Variants in COL4A1 observed in about 807,000 individuals in gnomAD.
The protein encoded by COL4A1 is collagen type IV alpha 1 chain.
COL4A1 carries 40 observed loss-of-function variants against 216.6 expected under a neutral mutation model. The ratio of observed to expected loss-of-function variants is 0.18; its 90% confidence interval spans 0.14 to 0.24. The LOEUF is 0.24. Among genes scored for constraint, COL4A1 ranks in the 10% least tolerant of loss-of-function variants. The probability of loss-of-function intolerance (pLI) is 1.00; values close to 1 mark genes in which losing one functional copy is unlikely to be tolerated. For missense variants in COL4A1, 1,628 were observed against 2,196.8 expected (o/e 0.74, Z 5.18); for synonymous variants, 839 against 810.7 (o/e 1.03, Z -0.59).
intron 2 of COL4A1, among the ~76,000 whole-genome samples, chr13:110,241,935 G>A (rs1223731388): frequency 6.6e-6 from 1 of 152,196 alleles, no homozygotes; most frequent in Non-Finnish European, 1.5e-5. Context: ...CCAACCTGCT[G>A]TGCGCACCTG....
intron 11 of COL4A1, 23 bp downstream of exon 11, chr13:110,209,369 C>CA (rs1382675474): frequency 6.2e-7 from 1 of 1,610,146 alleles, no homozygotes; most frequent in East Asian, 2.2e-5. Context: ...TGCCAAAGAA[C>CA]AAAAAATGAA....
rs536029310 is a variant in COL4A1 at position 110,251,010 on chromosome 13, G to A, written c.85-8276C>T. On this transcript the variant is annotated intron_variant, in intron 1 of 51. Transcript: ENST00000375820. Reference sequence around the variant, plus strand: ...CCCGGATTCTTTTCCCACCAGCCCTGCTCCCATCCTTTGTAACTTTCATCT... The same window carrying A: ...CCCGGATTCTTTTCCCACCAGCCCTACTCCCATCCTTTGTAACTTTCATCT... 2.9e-4 allele frequency among the ~76,000 whole-genome samples: 44 copies of A among 152,306 alleles called. No homozygotes were observed. The South Asian group carries it at 3.1e-3, about 11-fold the overall frequency.
At chr13:110,267,264 G>A (rs1046592046) in intron 1 of COL4A1, among the ~76,000 whole-genome samples, 41 of 152,168 alleles carry the variant, frequency 2.7e-4, no homozygotes, top group Admixed American at 7.9e-4. Flanking sequence ...ATGACCCAGT[G>A]GAGGGAGGAG....
intron 20 of COL4A1, 106 bp downstream of exon 20, chr13:110,200,748 C>A: frequency 8.3e-7 from 1 of 1,206,974 alleles, no homozygotes; most frequent in Non-Finnish European, 1.2e-6. Flanking sequence ...AGATTGCTAC[C>A]GATTGTGTGC....
intron 24 of COL4A1, among the ~76,000 whole-genome samples, chr13:110,190,183 T>A (rs1438547734): frequency 2.0e-5 from 3 of 152,032 alleles, no homozygotes; most frequent in African/African-American, 4.8e-5. Context: ...AACAGTGACA[T>A]TGGTGACCCT....
rs1430993408 is a variant in COL4A1, at chr13:110,187,133, C to T, written c.1728+5G>A. 6.2e-7 allele frequency: 1 copy of T among 1,613,852 alleles called. No individual in the cohort carries two copies. Among genetic ancestry groups the T allele is most frequent in the Non-Finnish European group, 8.5e-7 (1 of 1,179,898 alleles). On this transcript the variant is annotated splice_donor_5th_base_variant and intron_variant, in intron 25 of 51. Transcript: ENST00000375820. Reference sequence around the variant, plus strand: ...TGCACATTCAAAGTCTGGAGATAAACATACCGGCGAGCCCTTGGGGCCAGG... The same window carrying T: ...TGCACATTCAAAGTCTGGAGATAAATATACCGGCGAGCCCTTGGGGCCAGG...
intron 1 of COL4A1, among the ~76,000 whole-genome samples, chr13:110,284,942 A>G (rs535339254): frequency 6.6e-6 from 1 of 152,330 alleles, no homozygotes; most frequent in African/African-American, 2.4e-5. Flanking sequence ...TGCCCTTGGG[A>G]AAGCTGATGG....
intron 1 of COL4A1, among the ~76,000 whole-genome samples, chr13:110,276,855 G>A (rs189202758): frequency 1.3e-5 from 2 of 152,320 alleles, no homozygotes; most frequent in African/African-American, 2.4e-5. Flanking sequence ...TGACCCGCAG[G>A]CCAGATTCGG....
At chr13:110,267,375 GT>G (rs979296404) in intron 1 of COL4A1, among the ~76,000 whole-genome samples, 7 of 152,284 alleles carry the variant, frequency 4.6e-5, no homozygotes, top group African/African-American at 1.7e-4. Context: ...AGATGAACGT[GT>G]TTTTTCTGTC....
In COL4A1 at chr13:110,169,694, G is replaced by C; in HGVS notation, c.3811C>G (p.Pro1271Ala). 6.2e-7 allele frequency: 1 copy of C among 1,614,116 alleles called. No individual in the cohort carries two copies. Among genetic ancestry groups the C allele is most frequent in the Non-Finnish European group, 8.5e-7 (1 of 1,180,042 alleles). The change falls in exon 43 of 52, where the codon CCA (proline) becomes GCA (alanine). Residue 1271 changes from proline to alanine, a missense_variant. Physicochemically the swap from Pro to Ala is conservative, Grantham distance 27. Coordinates refer to ENST00000375820, the MANE Select transcript of COL4A1 (RefSeq NM_001845.6). ...IDGVKGDKGN[P>A]GWPGAPGVPG... The stretch of plus-strand genomic sequence containing the variant: ...ACACCGGGTGCTCCTGGCCAGCCTG[G>C]ATTTCCTTTGTCACCTTTAACTCCA...
chr13:110,212,046 TTGTCACAAGC>T (rs1422309679), intron 6 of COL4A1, 124 bp from the exon 7 acceptor site: 1 of 1,054,374 alleles, frequency 9.5e-7, no homozygotes, highest in East Asian at 2.4e-5. Flanking sequence ...TAAAAACAGT[TTGTCACAAGC>T]TGTGCTACTG....
Position 110,205,282 on chromosome 13 carries a change from G to T in COL4A1, c.957+71C>A, listed in dbSNP as rs1879439903. On this transcript the variant is annotated intron_variant, in intron 17 of 51. Transcript: ENST00000375820. ...TTGAGTACAGAGTCCTTTATTCTAGGAAAGAATAAACAGACTTCTGGGTTG... is the reference window on the plus strand; with the variant it reads ...TTGAGTACAGAGTCCTTTATTCTAGTAAAGAATAAACAGACTTCTGGGTTG... 5.8e-6 allele frequency: 9 copies of T among 1,562,776 alleles called. No individual in the cohort carries two copies. The Admixed American group carries it at 1.5e-4, about 26-fold the overall frequency.
At chr13:110,219,647 A>AAAATATATATATATGTATATAT (rs1555307829) in intron 2 of COL4A1, among the ~76,000 whole-genome samples, 4 of 95,128 alleles carry the variant, frequency 4.2e-5, no homozygotes, top group African/African-American at 1.7e-4. Flanking sequence ...GTAAGTTGAA[A>AAAATATATATATATGTATATAT]ATATATATAT....
At chr13:110,196,181 T>C (rs985346388) in intron 21 of COL4A1, among the ~76,000 whole-genome samples, 1 of 152,222 alleles carries the variant, frequency 6.6e-6, no homozygotes, top group African/African-American at 2.4e-5. Flanking sequence ...GCTTGTTGCT[T>C]ATGTGCTTAT....
chr13:110,153,730 C>T (rs1876623591), intron 50 of COL4A1, among the ~76,000 whole-genome samples: 1 of 152,166 alleles, frequency 6.6e-6, no homozygotes, highest in Non-Finnish European at 1.5e-5. Context: ...AAGAGTGTAG[C>T]TGCAGTACAA....
chr13:110,271,863 C>T lies in COL4A1; in HGVS notation c.85-29129G>A, dbSNP rs117342065. On this transcript the variant is annotated intron_variant, in intron 1 of 51. Coordinates refer to ENST00000375820, the MANE Select transcript of COL4A1 (RefSeq NM_001845.6). The stretch of plus-strand genomic sequence containing the variant: ...TTGGGGAATTTGGATGAAAGATATA[C>T]GGGAATACTTTGGAACTTTTTTCTA... Among the ~76,000 whole-genome samples the T allele has an allele frequency of 5.5e-3, 839 of 152,242 alleles. 4 individuals carry two copies. Among genetic ancestry groups the T allele is most frequent in the Non-Finnish European group, 8.3e-3 (565 of 68,006 alleles).
At chr13:110,233,627 GA>G (rs1881169622) in intron 2 of COL4A1, among the ~76,000 whole-genome samples, 4 of 152,216 alleles carry the variant, frequency 2.6e-5, no homozygotes, top group Admixed American at 2.6e-4. Flanking sequence ...GCGGTATTTG[GA>G]AAAGTTGGGG....
intron 24 of COL4A1, among the ~76,000 whole-genome samples, chr13:110,188,954 T>C (rs1037475294): frequency 2.0e-5 from 3 of 152,012 alleles, no homozygotes; most frequent in Non-Finnish European, 4.4e-5. Context: ...GCAGCAACTC[T>C]CTGCACTGTT....
At chr13:110,201,573 C>G in intron 18 of COL4A1, 51 bp from the exon 19 acceptor site, 1 of 1,447,752 alleles carries the variant, frequency 6.9e-7, no homozygotes, top group Non-Finnish European at 9.7e-7. Context: ...AATGGCTAGT[C>G]CTGTATAGTA....
Sources: gnomAD v4.1 joint callset for allele counts (sites outside exome capture counted in the v4.1 genomes callset) on GRCh38, gnomAD v4.1.1 for gene constraint, MANE v1.5 for transcripts, NCBI Gene and HGNC (gene_info 2026-07-23, HGNC 2026-07-21) for gene names.